Variants in ZNF385D observed in about 807,000 individuals in gnomAD.
ZNF385D encodes zinc finger protein 659.
In ZNF385D, 15 loss-of-function variants were observed where a neutral mutation model predicts 35.8. That is an observed-to-expected ratio of 0.42 (90% CI 0.28 to 0.64). ZNF385D has a LOEUF of 0.64. Ranked by LOEUF, ZNF385D falls within the 30% of genes least tolerant of loss-of-function variation. The probability of loss-of-function intolerance (pLI) is 0.23; values close to 1 mark genes in which losing one functional copy is unlikely to be tolerated. For missense variants in ZNF385D, 474 were observed against 494.6 expected (o/e 0.96, Z 0.39); for synonymous variants, 212 against 186.8 (o/e 1.13, Z -1.10).
intron 2 of ZNF385D, among the ~76,000 whole-genome samples, chr3:22,360,734 C>T (rs115821558): frequency 0.01 from 1,549 of 152,096 alleles, 23 homozygotes; most frequent in African/African-American, 0.035. Context: ...TCTCACTCCT[C>T]TGTTCATGCT....
chr3:22,364,346 C>T (rs956314203), intron 2 of ZNF385D, among the ~76,000 whole-genome samples: 4 of 151,892 alleles, frequency 2.6e-5, no homozygotes, highest in African/African-American at 7.3e-5. Flanking sequence ...AAAATATTTA[C>T]AAATCATATA....
intron 3 of ZNF385D, among the ~76,000 whole-genome samples, chr3:21,940,854 T>G (rs1002760615): frequency 6.6e-6 from 1 of 152,162 alleles, no homozygotes; most frequent in African/African-American, 2.4e-5. Context: ...ACAGAAATAG[T>G]TTTGAATACT....
chr3:21,626,336 G>A (rs1231518526), intron 2 of ZNF385D, among the ~76,000 whole-genome samples: 1 of 152,028 alleles, frequency 6.6e-6, no homozygotes, highest in Non-Finnish European at 1.5e-5. Flanking sequence ...TGCTACATGT[G>A]TTATCACAAT....
chr3:22,037,397 T>A (rs372555779), intron 3 of ZNF385D, among the ~76,000 whole-genome samples: 1 of 151,890 alleles, frequency 6.6e-6, no homozygotes, highest in African/African-American at 2.4e-5. Context: ...TTTTAATGAT[T>A]GCTATTCTAA....
chr3:22,030,299 A>ATC (rs1457368726), intron 3 of ZNF385D, among the ~76,000 whole-genome samples: 4 of 114,756 alleles, frequency 3.5e-5, no homozygotes, highest in Admixed American at 2.1e-4. Flanking sequence ...ATATATATAT[A>ATC]TATCCTATTT....
chr3:21,613,982 T>C (rs935141413), intron 2 of ZNF385D, among the ~76,000 whole-genome samples: 14 of 152,190 alleles, frequency 9.2e-5, no homozygotes, highest in Admixed American at 5.2e-4. Flanking sequence ...AATAGGTGGG[T>C]GGGCAGGCCT....
intron 2 of ZNF385D, among the ~76,000 whole-genome samples, chr3:22,328,617 G>T (rs1478326823): frequency 6.7e-6 from 1 of 150,152 alleles, no homozygotes; most frequent in Admixed American, 6.7e-5. Flanking sequence ...ACAAAAATTA[G>T]CTGGGCATGG....
intron 3 of ZNF385D, among the ~76,000 whole-genome samples, chr3:22,121,518 G>A (rs908979056): frequency 6.6e-6 from 1 of 152,110 alleles, no homozygotes; most frequent in Non-Finnish European, 1.5e-5. Context: ...AAGGACAAAC[G>A]CTTTGAGTTG....
intron 2 of ZNF385D, among the ~76,000 whole-genome samples, chr3:22,345,977 G>A (rs1194190908): frequency 2.0e-5 from 3 of 152,080 alleles, no homozygotes; most frequent in Non-Finnish European, 4.4e-5. Context: ...CCCTTGTCCC[G>A]ATCCTGCTTT....
In ZNF385D at chr3:21,669,898, A is replaced by G. The variant is rs192089164; in HGVS notation, c.23-4870T>C. Among the ~76,000 whole-genome samples, 1,022 of 152,236 alleles carry G rather than the reference A, an allele frequency of 6.7e-3. 10 individuals carry two copies. Among genetic ancestry groups the G allele is most frequent in the South Asian group, 0.012 (58 of 4,824 alleles). On this transcript the variant is annotated intron_variant, in intron 1 of 7. Transcript: ENST00000281523. ...GTAAATTAATATATTGAAATACTCCATGAGAGTGCGGTGGTTTTCTCTCCA... is the reference window on the plus strand; with the variant it reads ...GTAAATTAATATATTGAAATACTCCGTGAGAGTGCGGTGGTTTTCTCTCCA...
chr3:22,177,830 G>C (rs11918450), intron 2 of ZNF385D, among the ~76,000 whole-genome samples: 1 of 152,082 alleles, frequency 6.6e-6, no homozygotes, highest in Non-Finnish European at 1.5e-5. Context: ...GAGAACATAC[G>C]GTGGTTGGTT....
chr3:21,533,724 C>T (rs1354130634), intron 3 of ZNF385D, among the ~76,000 whole-genome samples: 1 of 152,084 alleles, frequency 6.6e-6, no homozygotes, highest in Non-Finnish European at 1.5e-5. Context: ...TCATAAATTG[C>T]TCCTAGAATT....
At chr3:21,824,701 T>A (rs1221172170) in intron 3 of ZNF385D, among the ~76,000 whole-genome samples, 1 of 152,170 alleles carries the variant, frequency 6.6e-6, no homozygotes, top group East Asian at 1.9e-4. Flanking sequence ...TTATTCCATG[T>A]GATGGCATCC....
At chr3:21,937,806 A>G (rs1488381573) in intron 3 of ZNF385D, among the ~76,000 whole-genome samples, 1 of 152,212 alleles carries the variant, frequency 6.6e-6, no homozygotes, top group Non-Finnish European at 1.5e-5. Flanking sequence ...TTATCAACCC[A>G]ATGCTTGCTT....
chr3:22,220,450 C>T (rs945004430), intron 2 of ZNF385D, among the ~76,000 whole-genome samples: 2 of 152,134 alleles, frequency 1.3e-5, no homozygotes, highest in Non-Finnish European at 2.9e-5. Context: ...ATCCAAATCT[C>T]AACTGGCAAT....
chr3:22,310,627 T>C (rs1703486658), intron 2 of ZNF385D, among the ~76,000 whole-genome samples: 1 of 151,964 alleles, frequency 6.6e-6, no homozygotes, highest in Non-Finnish European at 1.5e-5. Context: ...TACCCTTATG[T>C]TGCTTTCTTA....
intron 4 of ZNF385D, among the ~76,000 whole-genome samples, chr3:21,500,588 A>C (rs1706288786): frequency 1.3e-5 from 2 of 152,194 alleles, no homozygotes; most frequent in South Asian, 4.1e-4. Context: ...GTGCGTTAGC[A>C]TGTGAAGTGT....
At chr3:22,332,344 AG>A (rs1694977423) in intron 2 of ZNF385D, among the ~76,000 whole-genome samples, 1 of 152,158 alleles carries the variant, frequency 6.6e-6, no homozygotes, top group South Asian at 2.1e-4. Context: ...GGCCTCAAAG[AG>A]GGCTCTTTTT....
chr3:21,472,482 T>C (rs565724402), intron 4 of ZNF385D, among the ~76,000 whole-genome samples: 1 of 152,190 alleles, frequency 6.6e-6, no homozygotes, highest in Non-Finnish European at 1.5e-5. Flanking sequence ...CACTTATCCC[T>C]GAGCCCATTG....
Sources: allele counts gnomAD v4.1 joint callset (sites outside exome capture counted in the v4.1 genomes callset), GRCh38; gene constraint gnomAD v4.1.1; transcripts MANE v1.5; gene names NCBI Gene and HGNC (gene_info 2026-07-23, HGNC 2026-07-21).